RPS6KC1: variants seen among roughly 807,000 people sequenced by gnomAD.
The protein encoded by RPS6KC1 is ribosomal protein S6 kinase C1, also known as inactive ribosomal protein S6 kinase delta-1.
A neutral mutation model predicts 103.8 loss-of-function variants in RPS6KC1; 54 were observed. The ratio of observed to expected loss-of-function variants is 0.52; its 90% CI spans 0.42 to 0.65. The LOEUF is 0.65. Among genes scored for constraint, RPS6KC1 ranks in the 30% least tolerant of loss-of-function variants. RPS6KC1 has a pLI of 0.00. For missense variants in RPS6KC1, 1,151 were observed against 1,253.8 expected (o/e 0.92, Z 1.24); for synonymous variants, 439 against 438.7 (o/e 1.00, Z -0.01).
chr1:213,154,567 G>A (rs544966920), intron 6 of RPS6KC1, among the ~76,000 whole-genome samples: 1 of 152,314 alleles, frequency 6.6e-6, no homozygotes, highest in Admixed American at 6.5e-5. Context: ...CCAGAATACT[G>A]CTGGCATTCT....
chr1:213,146,963 C>T (rs1263509618), intron 6 of RPS6KC1, among the ~76,000 whole-genome samples: 2 of 152,074 alleles, frequency 1.3e-5, no homozygotes, highest in Non-Finnish European at 2.9e-5. Flanking sequence ...TGTTGAGCAC[C>T]TTTTCTTATG....
the RPS6KC1 span, among the ~76,000 whole-genome samples, chr1:213,781,565 A>G: frequency 6.6e-6 from 1 of 152,232 alleles, no homozygotes; most frequent in East Asian, 1.9e-4. Context: ...ATTTGGAAGT[A>G]ATATGATCCG....
intron 5 of RPS6KC1, among the ~76,000 whole-genome samples, chr1:213,119,051 C>T (rs2084038709): frequency 6.6e-6 from 1 of 151,994 alleles, no homozygotes; most frequent in African/African-American, 2.4e-5. Flanking sequence ...ATAACCTAAG[C>T]TGGCTGTTGC....
chr1:213,236,218 A>G (rs2094217883), intron 10 of RPS6KC1, among the ~76,000 whole-genome samples: 1 of 152,240 alleles, frequency 6.6e-6, no homozygotes, highest in African/African-American at 2.4e-5. Context: ...CCACGGAAAA[A>G]TTGTCTTCCA....
the RPS6KC1 span, among the ~76,000 whole-genome samples, chr1:213,379,848 G>T: frequency 6.6e-6 from 1 of 152,080 alleles, no homozygotes; most frequent in African/African-American, 2.4e-5. Context: ...AGGTTGTGGA[G>T]AAAAAGGAAT....
chr1:213,066,620 G>A (rs918003458), intron 1 of RPS6KC1, among the ~76,000 whole-genome samples: 2 of 152,202 alleles, frequency 1.3e-5, no homozygotes, highest in African/African-American at 2.4e-5. Flanking sequence ...GAGACAATGA[G>A]TATTGCTAAG....
At chr1:213,185,462 C>T (rs1361498132) in intron 8 of RPS6KC1, among the ~76,000 whole-genome samples, 1 of 152,098 alleles carries the variant, frequency 6.6e-6, no homozygotes, top group African/African-American at 2.4e-5. Context: ...GCCTGGCCAA[C>T]ATGGTGAAAC....
At chr1:213,172,925 T>C (rs2091586303) in intron 7 of RPS6KC1, among the ~76,000 whole-genome samples, 1 of 152,228 alleles carries the variant, frequency 6.6e-6, no homozygotes, top group Admixed American at 6.5e-5. Context: ...AACTCAATCA[T>C]ATTACCTAGA....
At chr1:213,834,954 G>C in the RPS6KC1 span, among the ~76,000 whole-genome samples, 216 of 152,242 alleles carry the variant, frequency 1.4e-3, no homozygotes, top group Admixed American at 2.2e-3. Flanking sequence ...CTGGGAGGTG[G>C]GGGAGAGGGA....
the RPS6KC1 span, among the ~76,000 whole-genome samples, chr1:213,721,439 C>A: frequency 2.0e-5 from 3 of 152,142 alleles, no homozygotes; most frequent in Non-Finnish European, 2.9e-5. Context: ...GGGGAAACCC[C>A]TTTTGTTTGG....
Position 213,232,264 on chromosome 1 carries a change from G to A in RPS6KC1, c.1225+9G>A, listed in dbSNP as rs1197635133. 6.2e-7 allele frequency: 1 copy of A among 1,613,886 alleles called. No individual in the cohort carries two copies. Among genetic ancestry groups the A allele is most frequent in the Admixed American group, 1.7e-5 (1 of 60,008 alleles). The stretch of plus-strand genomic sequence containing the variant: ...GCTGCAGCATGCGGAAGGTTGGTTT[G>A]TAGTTTGGATTGTTTATGCAGTGAA... On this transcript the variant is annotated intron_variant, in intron 10 of 14. Coordinates refer to ENST00000366960, the MANE Select transcript of RPS6KC1 (RefSeq NM_012424.6).
chr1:213,414,019 T>A, the RPS6KC1 span, among the ~76,000 whole-genome samples: 2 of 152,022 alleles, frequency 1.3e-5, no homozygotes, highest in East Asian at 3.9e-4. Context: ...TACCCAGGGG[T>A]CTTCACTTTC....
intron 6 of RPS6KC1, among the ~76,000 whole-genome samples, chr1:213,136,339 T>C (rs2086262975): frequency 6.6e-6 from 1 of 152,132 alleles, no homozygotes; most frequent in African/African-American, 2.4e-5. Context: ...TGATTAGGCA[T>C]AGGTTATTTG....
At chr1:213,381,022 T>A in the RPS6KC1 span, among the ~76,000 whole-genome samples, 2 of 152,096 alleles carry the variant, frequency 1.3e-5, no homozygotes, top group Admixed American at 6.6e-5. Flanking sequence ...TCATGACAAC[T>A]CGTAGAGCTT....
the RPS6KC1 span, among the ~76,000 whole-genome samples, chr1:213,806,585 G>C: frequency 3.4e-5 from 5 of 146,694 alleles, no homozygotes; most frequent in Non-Finnish European, 7.5e-5. Flanking sequence ...TGTTTTATCA[G>C]AGACTAGGAT....
At chr1:213,152,211 C>T (rs1389943855) in intron 6 of RPS6KC1, among the ~76,000 whole-genome samples, 9 of 139,122 alleles carry the variant, frequency 6.5e-5, no homozygotes, top group East Asian at 2.3e-4. Context: ...CTGGACGGGG[C>T]GGCTGGCCGG....
At chr1:213,759,592 A>C in the RPS6KC1 span, among the ~76,000 whole-genome samples, 1 of 152,182 alleles carries the variant, frequency 6.6e-6, no homozygotes, top group East Asian at 1.9e-4. Flanking sequence ...CAGCCAGTAA[A>C]AGGGCTTAAA....
chr1:213,391,522 G>T, the RPS6KC1 span, among the ~76,000 whole-genome samples: 1 of 152,144 alleles, frequency 6.6e-6, no homozygotes, highest in Non-Finnish European at 1.5e-5. Context: ...TAATTTTTTG[G>T]TCAGGGTGGG....
At chr1:213,678,185 A>G in the RPS6KC1 span, among the ~76,000 whole-genome samples, 1 of 152,198 alleles carries the variant, frequency 6.6e-6, no homozygotes, top group South Asian at 2.1e-4. Context: ...GAAGACACAG[A>G]CAAAAGGACA....
Sources: gnomAD v4.1 joint callset for allele counts (sites outside exome capture counted in the v4.1 genomes callset) on GRCh38, gnomAD v4.1.1 for gene constraint, MANE v1.5 for transcripts, NCBI Gene and HGNC (gene_info 2026-07-23, HGNC 2026-07-21) for gene names.